MICU1: variants seen among roughly 807,000 people sequenced by gnomAD.
MICU1 encodes the protein calcium uptake protein 1, mitochondrial.
A neutral mutation model predicts 56.8 loss-of-function variants in MICU1; 45 were observed. The ratio of observed to expected loss-of-function variants is 0.79; its 90% CI spans 0.62 to 1.02. MICU1 has a LOEUF of 1.02. Ranked by LOEUF, MICU1 falls within the 50% of genes least tolerant of loss-of-function variation. MICU1 has a pLI of 0.00. For missense variants in MICU1, 504 were observed against 587.1 expected (o/e 0.86, Z 1.46); for synonymous variants, 186 against 195.1 (o/e 0.95, Z 0.39).
chr10:72,421,209 C>T (rs1235007263), intron 9 of MICU1, among the ~76,000 whole-genome samples: 1 of 151,702 alleles, frequency 6.6e-6, no homozygotes, highest in Non-Finnish European at 1.5e-5. Flanking sequence ...GTTCATCTCT[C>T]TCTCAGATGC....
intron 3 of MICU1, chr10:72,562,618 G>C (rs1431429265): frequency 3.8e-6 from 1 of 260,530 alleles, no homozygotes; most frequent in Non-Finnish European, 7.2e-6. Flanking sequence ...TTTAGCATCA[G>C]GAAGATCCAG....
At chr10:72,426,149 C>G (rs1020935670) in intron 8 of MICU1, among the ~76,000 whole-genome samples, 2 of 152,260 alleles carry the variant, frequency 1.3e-5, no homozygotes, top group African/African-American at 4.8e-5. Context: ...TCCCAAGTAG[C>G]TGGGACTACA....
intron 3 of MICU1, among the ~76,000 whole-genome samples, chr10:72,562,061 C>T (rs1840310162): frequency 6.6e-6 from 1 of 151,496 alleles, no homozygotes; most frequent in African/African-American, 2.4e-5. Flanking sequence ...ACTCAAATAC[C>T]TGATATCATA....
intron 6 of MICU1, among the ~76,000 whole-genome samples, chr10:72,479,106 T>C (rs1037591598): frequency 6.6e-6 from 1 of 152,220 alleles, no homozygotes; most frequent in Non-Finnish European, 1.5e-5. Context: ...ACTCTCAATC[T>C]TGAAAACTTT....
intron 5 of MICU1, among the ~76,000 whole-genome samples, chr10:72,509,724 A>G (rs1867381135): frequency 6.6e-6 from 1 of 152,164 alleles, no homozygotes; most frequent in Admixed American, 6.5e-5. Context: ...TGAGTTGACA[A>G]CAAAAATGAG....
intron 6 of MICU1, among the ~76,000 whole-genome samples, chr10:72,500,612 G>A (rs1021486927): frequency 2.6e-5 from 4 of 151,860 alleles, no homozygotes; most frequent in African/African-American, 9.7e-5. Flanking sequence ...ATGAGCCACT[G>A]TGCCCAATTA....
intron 1 of MICU1, among the ~76,000 whole-genome samples, chr10:72,590,548 C>T (rs927661840): frequency 1.3e-5 from 2 of 152,104 alleles, no homozygotes; most frequent in Non-Finnish European, 2.9e-5. Context: ...CAGTGGCTCA[C>T]ACCTGTAATC....
At chr10:72,579,600 T>A (rs1840844081) in intron 1 of MICU1, among the ~76,000 whole-genome samples, 2 of 152,006 alleles carry the variant, frequency 1.3e-5, no homozygotes, top group East Asian at 3.8e-4. Flanking sequence ...ATTAATAGTA[T>A]GTTTTTTTTT....
At chr10:72,443,106 T>C (rs1199924854) in intron 8 of MICU1, among the ~76,000 whole-genome samples, 3 of 152,218 alleles carry the variant, frequency 2.0e-5, no homozygotes, top group African/African-American at 4.8e-5. Flanking sequence ...TTGATTTGCA[T>C]TTCTCTGATG....
At position 72,563,042 on chromosome 10, in the gene MICU1, T is replaced by C. The variant is rs1480476504; in HGVS notation, c.183A>G (p.Pro61=). 1.3e-6 allele frequency: 2 copies of C among 1,584,218 alleles called. No homozygotes were observed. Among genetic ancestry groups the C allele is most frequent in the Non-Finnish European group, 8.6e-7 (1 of 1,167,974 alleles). The change falls in exon 3 of 12, where the codon CCA becomes CCG. Residue 61 remains proline (P), a synonymous_variant. Transcript: ENST00000361114. ...LWKRAHAESP[P]CVDNLKSDIG... ...TGTCACTTTTTAGGTTGTCTACACA[T>C]GGTGGAGATTCTGCATGGGCCCTGG...
chr10:72,580,478 AT>A (rs1166871860), intron 1 of MICU1, among the ~76,000 whole-genome samples: 2 of 29,848 alleles, frequency 6.7e-5, no homozygotes, highest in African/African-American at 2.7e-4. Flanking sequence ...TAATTAATTT[AT>A]TTATTTATTT....
At chr10:72,425,403 C>T (rs1423227123) in intron 8 of MICU1, among the ~76,000 whole-genome samples, 2 of 152,236 alleles carry the variant, frequency 1.3e-5, no homozygotes, top group South Asian at 2.1e-4. Flanking sequence ...CCTTTATTCT[C>T]TGTTCTTCAT....
intron 1 of MICU1, among the ~76,000 whole-genome samples, chr10:72,600,720 G>C (rs1299302985): frequency 6.6e-6 from 1 of 151,712 alleles, no homozygotes; most frequent in Non-Finnish European, 1.5e-5. Flanking sequence ...CAAACGTTAT[G>C]GCCACTATGC....
chr10:72,563,353 C>A (rs1840346922), intron 2 of MICU1, among the ~76,000 whole-genome samples: 1 of 152,046 alleles, frequency 6.6e-6, no homozygotes. Context: ...GATGAATAAA[C>A]AAAATGTGGT....
At chr10:72,520,698 A>G (rs1288675503) in intron 5 of MICU1, among the ~76,000 whole-genome samples, 1 of 152,188 alleles carries the variant, frequency 6.6e-6, no homozygotes, top group East Asian at 1.9e-4. Context: ...GATGGCTTCA[A>G]AGATGGTACA....
At position 72,368,140 on chromosome 10, in the gene MICU1, T is replaced by G; in HGVS notation, c.*55A>C. ...AGCACAAAGGGCTCTGCCGAGACTC[T>G]GCGGAGGGGGTCCAGGGTACTGGGG... On this transcript the variant is annotated 3_prime_UTR_variant, in exon 12 of 12. Transcript: ENST00000361114. 1.3e-6 allele frequency: 2 copies of G among 1,559,438 alleles called. No homozygotes were observed. The highest frequency in any genetic ancestry group is 2.3e-5 in the South Asian group (2 of 87,108).
At chr10:72,527,083 A>G (rs1381527209) in intron 5 of MICU1, among the ~76,000 whole-genome samples, 1 of 152,180 alleles carries the variant, frequency 6.6e-6, no homozygotes, top group African/African-American at 2.4e-5. Context: ...TTTTCTTTCT[A>G]TAAAATGAAG....
At chr10:72,601,296 C>T (rs1201535668) in intron 1 of MICU1, among the ~76,000 whole-genome samples, 1 of 151,698 alleles carries the variant, frequency 6.6e-6, no homozygotes, top group African/African-American at 2.4e-5. Context: ...CAGTGGTGTG[C>T]ATTTGTGGTC....
intron 10 of MICU1, among the ~76,000 whole-genome samples, chr10:72,391,755 A>AT (rs1187628500): frequency 6.6e-6 from 1 of 152,192 alleles, no homozygotes; most frequent in Non-Finnish European, 1.5e-5. Flanking sequence ...TACCAAAAAA[A>AT]TTAGGAAAAA....
Sources: gnomAD v4.1 joint callset for allele counts (sites outside exome capture counted in the v4.1 genomes callset) on GRCh38, gnomAD v4.1.1 for gene constraint, MANE v1.5 for transcripts, NCBI Gene and HGNC (gene_info 2026-07-23, HGNC 2026-07-21) for gene names.